ARHGEF3: variants seen among roughly 807,000 people sequenced by gnomAD.
ARHGEF3 encodes the protein 59.8 kDA protein.
In ARHGEF3, 28 loss-of-function variants were observed where a neutral mutation model predicts 63.2. The ratio of observed to expected loss-of-function variants is 0.44; its 90% CI spans 0.33 to 0.61. The LOEUF (loss-of-function observed/expected upper bound fraction) is 0.61, where lower values mean the gene tolerates loss of function less well. Among genes scored for constraint, ARHGEF3 ranks in the 20% least tolerant of loss-of-function variants. ARHGEF3 has a pLI of 0.03. For synonymous variants in ARHGEF3, 266 were observed against 254.2 expected, an observed-to-expected ratio of 1.05 and a Z score of -0.44; for missense variants, 533 against 659.3, an observed-to-expected ratio of 0.81 and a Z score of 2.10.
At chr3:56,902,362 A>G (rs1458108407) in intron 3 of ARHGEF3, among the ~76,000 whole-genome samples, 1 of 152,224 alleles carries the variant, frequency 6.6e-6, no homozygotes, top group African/African-American at 2.4e-5. Flanking sequence ...GGAGATAGAC[A>G]GATTTTTAAA....
chr3:56,995,769 C>T (rs1701966299), intron 2 of ARHGEF3, among the ~76,000 whole-genome samples: 1 of 151,476 alleles, frequency 6.6e-6, no homozygotes, highest in Non-Finnish European at 1.5e-5. Context: ...TAAGTTGAAG[C>T]TAAAATTGGA....
At chr3:56,967,866 A>ATTATATATAATATATAATGACATAT (rs1297703482) in intron 2 of ARHGEF3, among the ~76,000 whole-genome samples, 1 of 72,676 alleles carries the variant, frequency 1.4e-5, no homozygotes, top group African/African-American at 5.6e-5. Context: ...ATAATGACAT[A>ATTATATATAATATATAATGACATAT]TATAATATAT....
chr3:56,868,353 T>G (rs1028626117), intron 4 of ARHGEF3, among the ~76,000 whole-genome samples: 2 of 140,688 alleles, frequency 1.4e-5, no homozygotes, highest in Admixed American at 7.3e-5. Flanking sequence ...GATATTCTTT[T>G]TTTGTTTGTT....
At chr3:56,973,646 A>C (rs1701014683) in intron 2 of ARHGEF3, among the ~76,000 whole-genome samples, 1 of 152,164 alleles carries the variant, frequency 6.6e-6, no homozygotes, top group Non-Finnish European at 1.5e-5. Flanking sequence ...CCAAGTGAAG[A>C]CAGTGCTTCA....
At chr3:56,744,271 GCT>G (rs1328414991) in intron 7 of ARHGEF3, among the ~76,000 whole-genome samples, 1 of 152,066 alleles carries the variant, frequency 6.6e-6, no homozygotes, top group East Asian at 1.9e-4. Flanking sequence ...CCAGAACGGT[GCT>G]CTCTGGGTGG....
At chr3:57,052,997 G>A (rs1421638455) in intron 1 of ARHGEF3, among the ~76,000 whole-genome samples, 1 of 152,162 alleles carries the variant, frequency 6.6e-6, no homozygotes, top group Non-Finnish European at 1.5e-5. Flanking sequence ...GATGTGCCCA[G>A]GCAAACAGAA....
chr3:56,874,746 G>A (rs1344810114), intron 4 of ARHGEF3, among the ~76,000 whole-genome samples: 1 of 152,212 alleles, frequency 6.6e-6, no homozygotes, highest in African/African-American at 2.4e-5. Context: ...AAGCCAGGGA[G>A]CCAAAAGCTT....
At chr3:56,927,351 C>T (rs1169441193) in intron 3 of ARHGEF3, among the ~76,000 whole-genome samples, 1 of 152,060 alleles carries the variant, frequency 6.6e-6, no homozygotes, top group Non-Finnish European at 1.5e-5. Context: ...CCATGTGGCA[C>T]AACAAAAAGC....
At chr3:56,944,995 G>A (rs1335456156) in intron 3 of ARHGEF3, among the ~76,000 whole-genome samples, 3 of 152,180 alleles carry the variant, frequency 2.0e-5, no homozygotes, top group African/African-American at 7.2e-5. Flanking sequence ...CAAGCTGCAG[G>A]ATCTGAGAGG....
At chr3:56,883,633 TAAGCCACAATA>T (rs1236920463) in intron 3 of ARHGEF3, among the ~76,000 whole-genome samples, 1 of 152,176 alleles carries the variant, frequency 6.6e-6, no homozygotes, top group Non-Finnish European at 1.5e-5. Context: ...ATGTAATCTA[TAAGCCACAATA>T]AAGCTCATCA....
chr3:56,731,849 G>A (rs963051527), intron 9 of ARHGEF3: 1 of 342,540 alleles, frequency 2.9e-6, no homozygotes, highest in Non-Finnish European at 5.3e-6. Context: ...TTAGGGACAA[G>A]TTTACCAGTT....
intron 4 of ARHGEF3, among the ~76,000 whole-genome samples, chr3:56,876,048 T>C (rs1251825145): frequency 6.6e-6 from 1 of 152,018 alleles, no homozygotes; most frequent in Non-Finnish European, 1.5e-5. Flanking sequence ...TAAGGGGGCA[T>C]GAGCCAGGTG....
chr3:56,968,171 T>A (rs1201369731), intron 2 of ARHGEF3, among the ~76,000 whole-genome samples: 4 of 25,654 alleles, frequency 1.6e-4, no homozygotes, highest in South Asian at 1.3e-3. Flanking sequence ...TATTATATAA[T>A]ATATATAAAA....
At chr3:57,073,802 C>A in intron 1 of ARHGEF3, 1 of 1,614,204 alleles carries the variant, frequency 6.2e-7, no homozygotes, top group Non-Finnish European at 8.5e-7. Flanking sequence ...CACCCAGAGG[C>A]CTTGGGTCAT....
intron 4 of ARHGEF3, among the ~76,000 whole-genome samples, chr3:56,869,715 G>A (rs151297487): frequency 5.9e-5 from 9 of 152,200 alleles, no homozygotes; most frequent in Non-Finnish European, 1.2e-4. Flanking sequence ...TCATTTAGGG[G>A]TAAACTCAAT....
chr3:57,035,043 G>A (rs766848108), intron 2 of ARHGEF3: 1 of 1,459,674 alleles, frequency 6.9e-7, no homozygotes, highest in South Asian at 1.3e-5. Context: ...TTGCATACAG[G>A]AATTTTAAAA....
At chr3:57,032,503 T>C (rs370966170) in intron 2 of ARHGEF3, among the ~76,000 whole-genome samples, 10 of 152,346 alleles carry the variant, frequency 6.6e-5, no homozygotes, top group African/African-American at 2.4e-4. Context: ...CAGGGATCCA[T>C]GGTGAGCAAA....
intron 1 of ARHGEF3, among the ~76,000 whole-genome samples, chr3:56,793,164 CA>C (rs2037174015): frequency 6.9e-6 from 1 of 144,834 alleles, no homozygotes; most frequent in Non-Finnish European, 1.5e-5. Context: ...CCACCAGGCC[CA>C]GATAATTTTT....
intron 4 of ARHGEF3, among the ~76,000 whole-genome samples, chr3:56,867,851 A>G (rs1397585962): frequency 1.3e-5 from 2 of 152,186 alleles, no homozygotes; most frequent in Admixed American, 6.5e-5. Context: ...GAGGAAGACC[A>G]GGTTGGAGGC....
Sources: allele counts gnomAD v4.1 joint callset (sites outside exome capture counted in the v4.1 genomes callset), GRCh38; gene constraint gnomAD v4.1.1; transcripts MANE v1.5; gene names NCBI Gene and HGNC (gene_info 2026-07-23, HGNC 2026-07-21).